ARHGAP28: variants seen among roughly 807,000 people sequenced by gnomAD.
The protein encoded by ARHGAP28 is Rho GTPase activating protein 28, also known as rho GTPase-activating protein 28.
A neutral mutation model predicts 90.7 loss-of-function variants in ARHGAP28; 56 were observed. The observed-to-expected ratio is 0.62, with a 90% CI of 0.50 to 0.77. ARHGAP28 has a LOEUF of 0.77. Among genes scored for constraint, ARHGAP28 ranks in the 30% least tolerant of loss-of-function variants. The probability of loss-of-function intolerance (pLI) is 0.00; values close to 1 mark genes in which losing one functional copy is unlikely to be tolerated. For synonymous variants in ARHGAP28, 308 were observed against 323.3 expected, an observed-to-expected ratio of 0.95 and a Z score of 0.51; for missense variants, 869 against 900.9, an observed-to-expected ratio of 0.96 and a Z score of 0.45.
At chr18:6,863,852 G>A (rs1173227360) in intron 5 of ARHGAP28, among the ~76,000 whole-genome samples, 5 of 149,130 alleles carry the variant, frequency 3.4e-5, no homozygotes, top group South Asian at 2.1e-4. Context: ...GCGCGATCTC[G>A]GCTCACTGCA....
At position 6,824,798 on chromosome 18, in the gene ARHGAP28, G is replaced by A; in HGVS notation, c.159G>A (p.Met53Ile). Residue 53 changes from methionine (M) to isoleucine (I), a missense_variant, in exon 2 of 18, where the codon ATG becomes ATA. Met to Ile is a conservative substitution (Grantham distance 10). Transcript: ENST00000383472. ...SIPRCRRINR[M>I]LSNESLHPPA... is the part of the protein sequence containing the mutation. The stretch of plus-strand genomic sequence containing the variant: ...CTCGCTGCCGAAGAATTAACAGGAT[G>A]CTCTCCAATGAATCCCTCCATCCTC... 1 of 1,535,322 alleles carries A rather than the reference G, an allele frequency of 6.5e-7. No homozygotes were observed. Among genetic ancestry groups the A allele is most frequent in the Non-Finnish European group, 8.7e-7 (1 of 1,146,440 alleles).
At chr18:6,751,460 G>A (rs566848860) in intron 1 of ARHGAP28, among the ~76,000 whole-genome samples, 135 of 152,238 alleles carry the variant, frequency 8.9e-4, no homozygotes, top group South Asian at 2.3e-3. Context: ...TTTGTCTCTT[G>A]TTAAAGTGCA....
chr18:6,808,854 G>T (rs1039635401), intron 1 of ARHGAP28, among the ~76,000 whole-genome samples: 8 of 152,212 alleles, frequency 5.3e-5, no homozygotes, highest in African/African-American at 1.9e-4. Context: ...GGTTCTTTGT[G>T]TAGAAGTTAA....
chr18:6,870,887 G>A lies in ARHGAP28; in HGVS notation c.954+155G>A, dbSNP rs190935526. Among the ~76,000 whole-genome samples, 87 of 151,716 alleles carry A rather than the reference G, an allele frequency of 5.7e-4. 1 individual carries two copies. The highest frequency in any genetic ancestry group is 2.5e-3 in the East Asian group (13 of 5,138). ...GCGATCTCGGCTCACTGCAAGCTCT[G>A]CCTCCCGGGTTCACGCCATTCTCCT... On this transcript the variant is annotated intron_variant, in intron 7 of 17. Coordinates refer to ENST00000383472, the MANE Select transcript of ARHGAP28 (RefSeq NM_001366230.1).
At chr18:6,840,167 C>T (rs1444682651) in intron 3 of ARHGAP28, among the ~76,000 whole-genome samples, 2 of 152,112 alleles carry the variant, frequency 1.3e-5, no homozygotes, top group Non-Finnish European at 2.9e-5. Flanking sequence ...AAAAGGAGGG[C>T]CTGAGCCTGG....
At chr18:6,762,728 G>A (rs1488994761) in intron 1 of ARHGAP28, among the ~76,000 whole-genome samples, 1 of 152,070 alleles carries the variant, frequency 6.6e-6, no homozygotes, top group Non-Finnish European at 1.5e-5. Flanking sequence ...AAGACTAAGT[G>A]AGAATGCAGG....
chr18:6,759,828 CTG>C (rs1337937956), intron 1 of ARHGAP28, among the ~76,000 whole-genome samples: 1 of 152,162 alleles, frequency 6.6e-6, no homozygotes, highest in Admixed American at 6.5e-5. Flanking sequence ...CCGCTTCCCA[CTG>C]TGTTTAAAAA....
At chr18:6,735,667 A>G (rs1407951663) in intron 1 of ARHGAP28, among the ~76,000 whole-genome samples, 2 of 150,268 alleles carry the variant, frequency 1.3e-5, no homozygotes, top group Non-Finnish European at 3.0e-5. Flanking sequence ...CAATCCTCCC[A>G]TCTCAGCCTC....
intron 1 of ARHGAP28, among the ~76,000 whole-genome samples, chr18:6,783,582 TGA>T (rs1394118205): frequency 6.6e-6 from 1 of 152,076 alleles, no homozygotes; most frequent in African/African-American, 2.4e-5. Flanking sequence ...ATTACAGGCG[TGA>T]GCCACCATGA....
intron 2 of ARHGAP28, among the ~76,000 whole-genome samples, chr18:6,830,548 C>T (rs2056707443): frequency 6.6e-6 from 1 of 152,126 alleles, no homozygotes; most frequent in South Asian, 2.1e-4. Context: ...TCAACTCCCA[C>T]TTATGAGTGA....
At chr18:6,874,004 C>T (rs2057111369) in intron 9 of ARHGAP28, among the ~76,000 whole-genome samples, 1 of 152,166 alleles carries the variant, frequency 6.6e-6, no homozygotes, top group Non-Finnish European at 1.5e-5. Flanking sequence ...TTTTGTTTGC[C>T]TATAACACAT....
intron 3 of ARHGAP28, among the ~76,000 whole-genome samples, chr18:6,844,273 T>G (rs574427736): frequency 6.6e-6 from 1 of 152,224 alleles, no homozygotes; most frequent in Admixed American, 6.5e-5. Context: ...TTTTTCTCTC[T>G]GAAGAAGACG....
At chr18:6,901,521 A>G (rs1472779802) in intron 16 of ARHGAP28, among the ~76,000 whole-genome samples, 1 of 146,990 alleles carries the variant, frequency 6.8e-6, no homozygotes, top group East Asian at 2.0e-4. Flanking sequence ...GATAGTATCA[A>G]GGTACACCCT....
intron 1 of ARHGAP28, among the ~76,000 whole-genome samples, chr18:6,771,921 CA>C (rs1477291407): frequency 6.6e-6 from 1 of 152,132 alleles, no homozygotes; most frequent in Non-Finnish European, 1.5e-5. Context: ...TGATAAAATT[CA>C]AAGTAGTAGA....
At position 6,873,308 on chromosome 18, in the gene ARHGAP28, C is replaced by T. The variant is rs369259800; in HGVS notation, c.955-101C>T. 1.1e-4 allele frequency: 109 copies of T among 976,868 alleles called. 2 individuals are homozygous for T. Among genetic ancestry groups the T allele is most frequent in the East Asian group, 9.4e-4 (39 of 41,478 alleles). 60.5% of individuals were successfully genotyped at this position (976,868 alleles called of 1,614,324 possible). A position where few individuals can be genotyped will look rare whatever the true frequency, so the allele number is the denominator to read the frequency against. ...CCTTAGAGATGTTTTCCAAAGAACACGTTCTACTGCATAGATTTAGAGTGT... is the reference window on the plus strand; with the variant it reads ...CCTTAGAGATGTTTTCCAAAGAACATGTTCTACTGCATAGATTTAGAGTGT... On this transcript the variant is annotated intron_variant, in intron 7 of 17. Transcript: ENST00000383472.
At position 6,912,316 on chromosome 18, in the gene ARHGAP28, G is replaced by A. The variant is rs532789760; in HGVS notation, c.*162G>A. ...TGTAAGCATGAACTATGGAAGAGGC[G>A]CCGGTTCACCAATTCAACTGAAGCT... On this transcript the variant is annotated 3_prime_UTR_variant, in exon 18 of 18. Coordinates refer to ENST00000383472, the MANE Select transcript of ARHGAP28 (RefSeq NM_001366230.1). 3 of 421,820 alleles carry A rather than the reference G, an allele frequency of 7.1e-6. No individual in the cohort carries two copies. The highest frequency in any genetic ancestry group is 7.1e-5 in the South Asian group (1 of 14,174). 26.1% of individuals were successfully genotyped at this position (421,820 alleles called of 1,614,324 possible).
intron 1 of ARHGAP28, among the ~76,000 whole-genome samples, chr18:6,743,878 G>A (rs776508441): frequency 1.3e-5 from 2 of 152,122 alleles, no homozygotes; most frequent in Non-Finnish European, 2.9e-5. Context: ...GTTAATAGCT[G>A]GTCCTTAAGT....
intron 3 of ARHGAP28, among the ~76,000 whole-genome samples, chr18:6,838,291 T>C (rs6506447): frequency 0.71 from 108,323 of 152,164 alleles, 39,759 homozygotes; most frequent in Non-Finnish European, 0.81. Context: ...CTGATTTAGG[T>C]TTCTTGTCTG....
chr18:6,877,350 G>T (rs915131253), intron 10 of ARHGAP28, among the ~76,000 whole-genome samples: 1 of 152,210 alleles, frequency 6.6e-6, no homozygotes, highest in Non-Finnish European at 1.5e-5. Flanking sequence ...CTGGGGTGAG[G>T]CTCTAACCAC....
Sources: gnomAD v4.1 joint callset for allele counts (sites outside exome capture counted in the v4.1 genomes callset) on GRCh38, gnomAD v4.1.1 for gene constraint, MANE v1.5 for transcripts, NCBI Gene and HGNC (gene_info 2026-07-23, HGNC 2026-07-21) for gene names.